Variants in USP47 observed in about 807,000 individuals in gnomAD.
The protein encoded by USP47 is ubiquitin carboxyl-terminal hydrolase 47.
A neutral mutation model predicts 165.1 loss-of-function variants in USP47; 35 were observed. The ratio of observed to expected loss-of-function variants is 0.21; its 90% CI spans 0.16 to 0.28. The LOEUF (loss-of-function observed/expected upper bound fraction) is 0.28, where lower values mean the gene tolerates loss of function less well. Among genes scored for constraint, USP47 ranks in the 10% least tolerant of loss-of-function variants. The probability of loss-of-function intolerance (pLI) is 1.00; values close to 1 mark genes in which losing one functional copy is unlikely to be tolerated. For missense variants in USP47, 1,277 were observed against 1,607.4 expected (o/e 0.79, Z 3.52); for synonymous variants, 531 against 544.5 (o/e 0.98, Z 0.35).
At chr11:11,939,429 T>C (rs1855313110) in intron 18 of USP47, among the ~76,000 whole-genome samples, 1 of 151,920 alleles carries the variant, frequency 6.6e-6, no homozygotes, top group Admixed American at 6.6e-5. Flanking sequence ...AGGAAAAAAA[T>C]TGTAAGGCAT....
At chr11:11,905,216 T>A (rs1032747109) in intron 7 of USP47, among the ~76,000 whole-genome samples, 183 bp from the exon 8 acceptor site, 1 of 150,592 alleles carries the variant, frequency 6.6e-6, no homozygotes, top group Non-Finnish European at 1.5e-5. Flanking sequence ...CTATAAAATT[T>A]TAGATAAATC....
At chr11:11,933,459 T>G (rs1296516228) in intron 15 of USP47, among the ~76,000 whole-genome samples, 1 of 152,132 alleles carries the variant, frequency 6.6e-6, no homozygotes, top group Admixed American at 6.6e-5. Flanking sequence ...TAATTTCTCT[T>G]ATGGAATTAC....
intron 1 of USP47, among the ~76,000 whole-genome samples, chr11:11,845,850 G>T (rs1271119242): frequency 6.6e-6 from 1 of 152,130 alleles, no homozygotes; most frequent in Non-Finnish European, 1.5e-5. Flanking sequence ...TTTTTGAGTT[G>T]AGAGAAGTCT....
intron 1 of USP47, among the ~76,000 whole-genome samples, chr11:11,843,954 C>G (rs1010355635): frequency 2.0e-5 from 3 of 152,042 alleles, no homozygotes; most frequent in Non-Finnish European, 2.9e-5. Flanking sequence ...TTAGTCTCAT[C>G]TTCAGTCTTC....
intron 20 of USP47, among the ~76,000 whole-genome samples, chr11:11,944,561 C>A (rs1855697208): frequency 6.6e-6 from 1 of 152,054 alleles, no homozygotes; most frequent in Non-Finnish European, 1.5e-5. Context: ...GTTTTTTTAA[C>A]AGCTGTGTGA....
chr11:11,949,066 A>G (rs1856045638), intron 22 of USP47: 1 of 152,700 alleles, frequency 6.5e-6, no homozygotes, highest in Non-Finnish European at 1.5e-5. Flanking sequence ...TTTAATCATC[A>G]GTTAACTAAG....
At chr11:11,927,444 C>G (rs1228876957) in intron 11 of USP47, among the ~76,000 whole-genome samples, 1 of 152,028 alleles carries the variant, frequency 6.6e-6, no homozygotes, top group Non-Finnish European at 1.5e-5. Flanking sequence ...TTATGTATGT[C>G]TGGTTTTGTA....
rs777582331 is a variant in USP47 at position 11,950,442 on chromosome 11, T to C, written c.3543T>C (p.Asn1181=). ...ATCATATTTATGAAGAAGATATTAATATTTCCAGCAACTGGGAGGTTTTCC... is the reference window on the plus strand; with the variant it reads ...ATCATATTTATGAAGAAGATATTAACATTTCCAGCAACTGGGAGGTTTTCC... ...LDYHIYEEDI[N]ISSNWEVFLE... The change falls in exon 24 of 28, where the codon AAT becomes AAC. Residue 1181 remains asparagine, a synonymous_variant. Coordinates refer to ENST00000527733, the MANE Select transcript of USP47 (RefSeq NM_001282659.2). The C allele has an allele frequency of 6.2e-7, 1 of 1,606,398 alleles. No individual in the cohort carries two copies. Among genetic ancestry groups the C allele is most frequent in the Admixed American group, 1.7e-5 (1 of 58,708 alleles).
At chr11:11,891,421 T>G (rs1851504807) in intron 3 of USP47, among the ~76,000 whole-genome samples, 1 of 152,232 alleles carries the variant, frequency 6.6e-6, no homozygotes, top group Non-Finnish European at 1.5e-5. Context: ...ATTAATTGCA[T>G]CATTTAGTTT....
At position 11,942,580 on chromosome 11, in the gene USP47, A is replaced by G; in HGVS notation, c.2559A>G (p.Leu853=). ...VGSLKSVEAI[L]EESTEKLKSL... is the part of the protein sequence containing the mutation. ...GCCTAAAGTCTGTGGAAGCTATTCT[A>G]GAAGAAAGCACTGAAAAACTCAAAA... The change falls in exon 20 of 28, where the codon CTA becomes CTG. Residue 853 remains leucine (L), a synonymous_variant. Transcript: ENST00000527733. 6.2e-7 allele frequency: 1 copy of G among 1,613,554 alleles called. No individual in the cohort carries two copies. The highest frequency in any genetic ancestry group is 8.5e-7 in the Non-Finnish European group (1 of 1,179,742).
At position 11,922,925 on chromosome 11, in the gene USP47, G is replaced by C. The variant is rs536167655; in HGVS notation, c.1386+34G>C. Reference sequence around the variant, plus strand: ...TATAGTTTGCATTTTTTAGTTGAAAGTGAGAATAATCTCTGACTTCCTATA... The same window carrying C: ...TATAGTTTGCATTTTTTAGTTGAAACTGAGAATAATCTCTGACTTCCTATA... On this transcript the variant is annotated intron_variant, in intron 11 of 27. Coordinates refer to ENST00000527733, the MANE Select transcript of USP47 (RefSeq NM_001282659.2). The C allele has an allele frequency of 8.2e-6, 13 of 1,590,812 alleles. No homozygotes were observed. The East Asian group carries it at 2.3e-4, about 28-fold the overall frequency.
rs1429085415 is a variant in USP47 at position 11,961,165 on chromosome 11, A to T, written c.*4990A>T. 6.6e-6 allele frequency among the ~76,000 whole-genome samples: 1 copy of T among 152,240 alleles called. No individual in the cohort carries two copies. The highest frequency in any genetic ancestry group is 1.9e-4 in the East Asian group (1 of 5,200). On this transcript the variant is annotated 3_prime_UTR_variant, in exon 28 of 28. Transcript: ENST00000527733. ...AAGACTCTTTCTGTGGTAGGGCCAC[A>T]TCCTAAACCCTGTATCCTGTGATTA... is the stretch of plus-strand genomic sequence containing the variant.
At chr11:11,894,770 C>T (rs770895291) in intron 4 of USP47, among the ~76,000 whole-genome samples, 1 of 152,102 alleles carries the variant, frequency 6.6e-6, no homozygotes, top group Non-Finnish European at 1.5e-5. Flanking sequence ...CTAAGACATG[C>T]TTTTTTAAAA....
In USP47 at chr11:11,943,119, A is replaced by G. The variant is rs764816171; in HGVS notation, c.3091+7A>G. The stretch of plus-strand genomic sequence containing the variant: ...TCTGGGGAAGGACATAAATGTATGT[A>G]CTTCAAAAGAAAAACGGTCCTTGAA... On this transcript the variant is annotated splice_region_variant and intron_variant, in intron 20 of 27. Coordinates refer to ENST00000527733, the MANE Select transcript of USP47 (RefSeq NM_001282659.2). The G allele has an allele frequency of 6.3e-7, 1 of 1,579,704 alleles. No individual in the cohort carries two copies. Among genetic ancestry groups the G allele is most frequent in the Non-Finnish European group, 8.6e-7 (1 of 1,166,290 alleles).
At chr11:11,942,196 T>C (rs1050689608) in intron 19 of USP47, 139 bp from the exon 20 acceptor site, 215 of 1,013,330 alleles carry the variant, frequency 2.1e-4, no homozygotes, top group Non-Finnish European at 1.3e-4. Context: ...TCCAAAACAA[T>C]AGAGTCCTTC....
Position 11,959,848 on chromosome 11 carries a change from G to C in USP47, c.*3673G>C, listed in dbSNP as rs958575793. Among the ~76,000 whole-genome samples the C allele has an allele frequency of 1.3e-5, 2 of 152,038 alleles. No homozygotes were observed. Among genetic ancestry groups the C allele is most frequent in the African/African-American group, 2.4e-5 (1 of 41,382 alleles). ...CTCACCAGGTCAGAAATTGTTATTG[G>C]ACCCTAAAACCTTGCCTCACAGGTG... On this transcript the variant is annotated 3_prime_UTR_variant, in exon 28 of 28. Transcript: ENST00000527733.
Position 11,884,538 on chromosome 11 carries a change from G to A in USP47, c.315G>A (p.Leu105=). 1.2e-6 allele frequency: 2 copies of A among 1,611,640 alleles called. No homozygotes were observed. The highest frequency in any genetic ancestry group is 1.7e-6 in the Non-Finnish European group (2 of 1,179,218). The change falls in exon 3 of 28, where the codon CTG becomes CTA. Residue 105 remains leucine (L), a synonymous_variant. Coordinates refer to ENST00000527733, the MANE Select transcript of USP47 (RefSeq NM_001282659.2). The part of the protein sequence containing the change: ...ANFEPGKKNF[L]HLTDKDGEQP... Reference sequence around the variant, plus strand: ...TTGAGCCAGGAAAGAAGAACTTTCTGCATTTGACAGATAAAGATGGTGAAC... The same window carrying A: ...TTGAGCCAGGAAAGAAGAACTTTCTACATTTGACAGATAAAGATGGTGAAC...
At chr11:11,852,872 A>G (rs962496716) in intron 1 of USP47, among the ~76,000 whole-genome samples, 1 of 152,180 alleles carries the variant, frequency 6.6e-6, no homozygotes, top group African/African-American at 2.4e-5. Context: ...GCTGTTCCTC[A>G]GATGTGCTGT....
intron 1 of USP47, among the ~76,000 whole-genome samples, chr11:11,855,870 C>T (rs1849009506): frequency 6.6e-6 from 1 of 152,118 alleles, no homozygotes; most frequent in South Asian, 2.1e-4. Flanking sequence ...GGAATCTGGC[C>T]TAGTTCTAGA....
Sources: gnomAD v4.1 joint callset for allele counts (sites outside exome capture counted in the v4.1 genomes callset) on GRCh38, gnomAD v4.1.1 for gene constraint, MANE v1.5 for transcripts, NCBI Gene and HGNC (gene_info 2026-07-23, HGNC 2026-07-21) for gene names.